MAF: variants seen among roughly 807,000 people sequenced by gnomAD.
MAF encodes transcription factor Maf.
A neutral mutation model predicts 22.0 loss-of-function variants in MAF; 10 were observed. The ratio of observed to expected loss-of-function variants is 0.45; its 90% CI spans 0.28 to 0.77. The LOEUF is 0.77. MAF is among the 30% of genes least tolerant of loss of function. The pLI is 0.12. For missense variants in MAF, 544 were observed against 548.4 expected (o/e 0.99, Z 0.08); for synonymous variants, 337 against 255.8 (o/e 1.32, Z -3.03).
the MAF span, among the ~76,000 whole-genome samples, chr16:79,271,356 TATG>T: frequency 2.6e-5 from 4 of 152,174 alleles, no homozygotes; most frequent in Non-Finnish European, 5.9e-5. Flanking sequence ...CCTCCCAATG[TATG>T]TAAATACCCT....
chr16:79,208,475 A>G, the MAF span, among the ~76,000 whole-genome samples: 1 of 152,172 alleles, frequency 6.6e-6, no homozygotes, highest in Non-Finnish European at 1.5e-5. Context: ...GTAAGCATTG[A>G]TGACAACTGG....
the MAF span, among the ~76,000 whole-genome samples, chr16:79,414,812 A>G: frequency 4.3e-4 from 66 of 152,360 alleles, no homozygotes; most frequent in African/African-American, 1.4e-3. Flanking sequence ...TCAAAAACTT[A>G]AAGATGCACA....
At chr16:79,512,048 T>C in the MAF span, among the ~76,000 whole-genome samples, 4 of 152,316 alleles carry the variant, frequency 2.6e-5, no homozygotes, top group Non-Finnish European at 5.9e-5. Flanking sequence ...CAATATTCCT[T>C]GTTATGGATT....
chr16:79,570,273 C>T, the MAF span, among the ~76,000 whole-genome samples: 2 of 152,094 alleles, frequency 1.3e-5, no homozygotes, highest in African/African-American at 4.8e-5. Context: ...CTCCCTCCAG[C>T]CCTGGCCTTC....
chr16:79,227,782 CTCA>C, the MAF span, among the ~76,000 whole-genome samples: 13 of 151,714 alleles, frequency 8.6e-5, no homozygotes, highest in African/African-American at 3.1e-4. Context: ...AACAAATATC[CTCA>C]TCAAAAAAAC....
the MAF span, among the ~76,000 whole-genome samples, chr16:79,268,186 C>T: frequency 1.3e-4 from 20 of 152,124 alleles, no homozygotes; most frequent in African/African-American, 4.6e-4. Context: ...ACATGAGCTT[C>T]CCAGCCCTGG....
chr16:79,203,255 TAAATG>T, the MAF span: 5 of 152,238 alleles, frequency 3.3e-5, no homozygotes. Context: ...CAGTATGTTC[TAAATG>T]AAATATTAAC....
the MAF span, among the ~76,000 whole-genome samples, chr16:79,580,303 C>T: frequency 6.6e-6 from 1 of 152,144 alleles, no homozygotes; most frequent in Non-Finnish European, 1.5e-5. Context: ...AGACTAGGGT[C>T]TTGTCAGGAT....
chr16:79,417,785 T>C, the MAF span, among the ~76,000 whole-genome samples: 2 of 152,212 alleles, frequency 1.3e-5, no homozygotes, highest in Non-Finnish European at 2.9e-5. Flanking sequence ...TTGGATAAAA[T>C]ATCTCAGGAA....
chr16:79,373,138 T>G, the MAF span, among the ~76,000 whole-genome samples: 2 of 152,102 alleles, frequency 1.3e-5, no homozygotes, highest in Non-Finnish European at 2.9e-5. Flanking sequence ...GGTTTACATC[T>G]CTTTTCCCTC....
chr16:79,358,893 T>G, the MAF span, among the ~76,000 whole-genome samples: 1 of 152,174 alleles, frequency 6.6e-6, no homozygotes, highest in Non-Finnish European at 1.5e-5. Context: ...GAGGGAAATT[T>G]CCTGGCAGAA....
At chr16:79,256,529 G>A in the MAF span, among the ~76,000 whole-genome samples, 1 of 152,132 alleles carries the variant, frequency 6.6e-6, no homozygotes. Context: ...AAAAATTCAG[G>A]TGACCACAGA....
At chr16:79,228,465 C>T in the MAF span, among the ~76,000 whole-genome samples, 4 of 151,988 alleles carry the variant, frequency 2.6e-5, no homozygotes, top group African/African-American at 9.7e-5. Flanking sequence ...AGGAAATGCA[C>T]TGATAATTCT....
chr16:79,358,507 C>T, the MAF span, among the ~76,000 whole-genome samples: 5 of 152,292 alleles, frequency 3.3e-5, no homozygotes, highest in South Asian at 4.1e-4. Flanking sequence ...CCAGCCAGGC[C>T]TGGATAGCTC....
the MAF span, among the ~76,000 whole-genome samples, chr16:79,283,989 A>G: frequency 2.5e-5 from 1 of 40,008 alleles, no homozygotes; most frequent in East Asian, 1.4e-3. Context: ...AAAAAAAGAC[A>G]AAGCCCCATA....
the MAF span, among the ~76,000 whole-genome samples, chr16:79,277,197 C>T: frequency 4.2e-4 from 64 of 152,270 alleles, no homozygotes; most frequent in African/African-American, 1.5e-3. Context: ...GTAATTGAAT[C>T]TAGGACACGT....
chr16:79,253,539 G>A, the MAF span, among the ~76,000 whole-genome samples: 4 of 152,116 alleles, frequency 2.6e-5, no homozygotes, highest in Non-Finnish European at 5.9e-5. Flanking sequence ...CTAGCACGTG[G>A]CCTCTCTTTT....
chr16:79,246,864 T>G, the MAF span, among the ~76,000 whole-genome samples: 8 of 151,944 alleles, frequency 5.3e-5, no homozygotes, highest in Non-Finnish European at 1.0e-4. Flanking sequence ...TTTCAATAAT[T>G]TTCCATCTAC....
the MAF span, among the ~76,000 whole-genome samples, chr16:79,251,897 A>ATG: frequency 6.6e-6 from 1 of 152,210 alleles, no homozygotes; most frequent in Non-Finnish European, 1.5e-5. Context: ...ACTTCTGTGT[A>ATG]TGTGTGTGTG....
Sources: gnomAD v4.1 joint callset for allele counts (sites outside exome capture counted in the v4.1 genomes callset) on GRCh38, gnomAD v4.1.1 for gene constraint, MANE v1.5 for transcripts, NCBI Gene and HGNC (gene_info 2026-07-23, HGNC 2026-07-21) for gene names.